The following FCGR1A variants were observed in gnomAD, a reference collection of about 807,000 sequenced individuals.
The protein encoded by FCGR1A is Fc gamma receptor Ia.
A neutral mutation model predicts 35.0 loss-of-function variants in FCGR1A; 13 were observed. The observed-to-expected ratio is 0.37, with a 90% CI of 0.24 to 0.59. FCGR1A has a LOEUF of 0.59. FCGR1A is among the 20% of genes least tolerant of loss of function. The pLI is 0.71. For synonymous variants in FCGR1A, 91 were observed against 164.7 expected (o/e 0.55, Z 3.43); for missense variants, 227 against 430.0 (o/e 0.53, Z 4.17).
chr1:149,786,883 T>C (rs587768707), intron 3 of FCGR1A: 2 of 152,330 alleles, frequency 1.3e-5, no homozygotes, highest in South Asian at 2.1e-4. Context: ...AGTTCATTAG[T>C]ATTTGTTGAA....
chr1:149,792,794 G>T (rs1325400229), downstream of FCGR1A: 7 of 1,279,588 alleles, frequency 5.5e-6, no homozygotes, highest in Admixed American at 1.6e-4. Context: ...AGCGAGAAAT[G>T]AGCTGTAGGA....
intron 3 of FCGR1A, among the ~76,000 whole-genome samples, chr1:149,785,123 G>A (rs1457900915): frequency 4.6e-4 from 70 of 152,210 alleles, no homozygotes; most frequent in Admixed American, 8.5e-4. Context: ...ATTCTTCAGG[G>A]AAAAATGCTT....
chr1:149,793,713 G>T (rs1298860184), downstream of FCGR1A, among the ~76,000 whole-genome samples: 1 of 150,658 alleles, frequency 6.6e-6, no homozygotes, highest in African/African-American at 2.4e-5. Flanking sequence ...TGGGAGGGTG[G>T]GTCGTTAGGG....
At position 149,788,583 on chromosome 1, in the gene FCGR1A, C is replaced by T. The variant is rs782054533; in HGVS notation, c.525C>T (p.Arg175=). 1 of 1,613,972 alleles carries T rather than the reference C, an allele frequency of 6.2e-7. No homozygotes were observed. Among genetic ancestry groups the T allele is most frequent in the South Asian group, 1.1e-5 (1 of 91,074 alleles). Residue 175 remains arginine, a synonymous_variant, in exon 4 of 6, where the codon CGC becomes CGT. Coordinates refer to ENST00000369168, the MANE Select transcript of FCGR1A (RefSeq NM_000566.4). The stretch of plus-strand genomic sequence containing the variant: ...ATTGCTCAGGCATGGGAAAGCATCG[C>T]TACACATCAGCAGGAATATCTGTCA... ...TYHCSGMGKH[R]YTSAGISVTV... is the part of the protein sequence containing the mutation.
In FCGR1A at chr1:149,784,255, G is replaced by A. The variant is rs782461099; in HGVS notation, c.305G>A (p.Arg102Lys). Residue 102 changes from arginine (R) to lysine (K), a missense_variant and splice_region_variant, in exon 3 of 6, where the codon AGA becomes AAA. Around this residue, in one of 3 missense-constraint regions of FCGR1A, gnomAD observed 185 missense variants for 306.6 expected, o/e 0.60. Coordinates refer to ENST00000369168, the MANE Select transcript of FCGR1A (RefSeq NM_000566.4). ...RSDPIQLEIH[R>K]GWLLLQVSSR... ...GACCCCATACAGCTGGAAATCCACA[G>A]AGGTAATTATGACTTGGACCAGGAG... 3.7e-6 allele frequency: 6 copies of A among 1,610,986 alleles called. No individual in the cohort carries two copies. The highest frequency in any genetic ancestry group is 4.5e-5 in the East Asian group (2 of 44,874).
chr1:149,786,603 G>T (rs1553750863), intron 3 of FCGR1A: 1 of 152,064 alleles, frequency 6.6e-6, no homozygotes, highest in African/African-American at 2.4e-5. Flanking sequence ...CTGGTTGGTG[G>T]ACCCGAGCCC....
chr1:149,796,325 G>T (rs1452801581), downstream of FCGR1A, among the ~76,000 whole-genome samples: 1 of 152,150 alleles, frequency 6.6e-6, no homozygotes, highest in African/African-American at 2.4e-5. Flanking sequence ...CTCTAAGGAA[G>T]ACTAGAAATA....
chr1:149,792,534 C>A (rs1479610184), downstream of FCGR1A: 4 of 1,162,608 alleles, frequency 3.4e-6, no homozygotes, highest in African/African-American at 6.8e-5. Context: ...CAACTTGATT[C>A]TAGATTATTT....
chr1:149,796,829 C>T, the FCGR1A span, among the ~76,000 whole-genome samples: 8 of 152,330 alleles, frequency 5.3e-5, no homozygotes, highest in South Asian at 6.2e-4. Flanking sequence ...CACACTCAGT[C>T]GGTGGCTTTT....
At chr1:149,786,502 G>A (rs1272534509) in intron 3 of FCGR1A, 2 of 152,136 alleles carry the variant, frequency 1.3e-5, no homozygotes, top group Non-Finnish European at 2.9e-5. Flanking sequence ...AAAATGTTTT[G>A]CCACAGTCAG....
intron 3 of FCGR1A, chr1:149,787,287 C>T (rs2091577941): frequency 6.6e-6 from 1 of 152,228 alleles, no homozygotes; most frequent in African/African-American, 2.4e-5. Flanking sequence ...GGAAAAGGCA[C>T]TATTGTCTCT....
intron 4 of FCGR1A, among the ~76,000 whole-genome samples, chr1:149,788,890 A>G (rs1430595631): frequency 1.3e-5 from 2 of 152,112 alleles, no homozygotes; most frequent in African/African-American, 4.8e-5. Flanking sequence ...CATTTCATCC[A>G]TCATTATTTT....
At chr1:149,798,490 T>C in the FCGR1A span, among the ~76,000 whole-genome samples, 3 of 152,110 alleles carry the variant, frequency 2.0e-5, no homozygotes, top group East Asian at 5.8e-4. Context: ...TGTTGACTTA[T>C]ATGCACATAT....
At chr1:149,793,030 G>T (rs1553752310), downstream of FCGR1A, 2 of 1,263,694 alleles carry the variant, frequency 1.6e-6, no homozygotes, top group Admixed American at 5.1e-5. Flanking sequence ...CCCCGGGCCC[G>T]CCAGCTCCCG....
At chr1:149,792,846 A>T, downstream of FCGR1A, 21 of 1,271,416 alleles carry the variant, frequency 1.7e-5, no homozygotes, top group Non-Finnish European at 2.0e-5. Context: ...GAAGAGAGCA[A>T]GGGGTCGCCG....
chr1:149,787,150 T>G (rs868955153), intron 3 of FCGR1A: 41 of 152,256 alleles, frequency 2.7e-4, no homozygotes, highest in African/African-American at 9.1e-4. Context: ...TGGCTGTGGG[T>G]GGGAATAAGG....
chr1:149,784,208 G>A lies in FCGR1A; in HGVS notation c.258G>A (p.Gln86=), dbSNP rs781924551. 1 of 1,611,380 alleles carries A rather than the reference G, an allele frequency of 6.2e-7. No individual in the cohort carries two copies. The highest frequency in any genetic ancestry group is 2.2e-5 in the East Asian group (1 of 44,846). Residue 86 remains glutamine, a synonymous_variant, in exon 3 of 6, where the codon CAG becomes CAA. Coordinates refer to ENST00000369168, the MANE Select transcript of FCGR1A (RefSeq NM_000566.4). The part of the protein sequence containing the change: ...SVNDSGEYRC[Q]RGLSGRSDPI... ...ATGACAGTGGTGAATACAGGTGCCAGAGAGGTCTCTCAGGGCGAAGTGACC... is the reference window on the plus strand; with the variant it reads ...ATGACAGTGGTGAATACAGGTGCCAAAGAGGTCTCTCAGGGCGAAGTGACC...
chr1:149,787,920 G>A, intron 3 of FCGR1A: 2 of 241,250 alleles, frequency 8.3e-6, no homozygotes, highest in South Asian at 1.0e-4. Flanking sequence ...AGTTCAGGAG[G>A]AGACTTTCCA....
chr1:149,797,556 C>T, the FCGR1A span, among the ~76,000 whole-genome samples: 1 of 152,106 alleles, frequency 6.6e-6, no homozygotes, highest in East Asian at 1.9e-4. Context: ...TTTCATCTTA[C>T]TTTATGCCTT....
Sources: gnomAD v4.1 joint callset for allele counts (sites outside exome capture counted in the v4.1 genomes callset) on GRCh38, gnomAD v4.1.1 for gene constraint, gnomAD v4.1.1 regional missense constraint, MANE v1.5 for transcripts, NCBI Gene and HGNC (gene_info 2026-07-23, HGNC 2026-07-21) for gene names.